Variants in TANC1 observed in about 807,000 individuals in gnomAD.
TANC1 encodes the protein tetratricopeptide repeat, ankyrin repeat and coiled-coil containing 1.
In TANC1, 77 loss-of-function variants were observed where a neutral mutation model predicts 149.7. The ratio of observed to expected loss-of-function variants is 0.51; its 90% CI spans 0.43 to 0.62. TANC1 has a LOEUF of 0.62. Ranked by LOEUF, TANC1 falls within the 20% of genes least tolerant of loss-of-function variation. The pLI, the probability that TANC1 is intolerant of heterozygous loss-of-function variation, is 0.00. For missense variants in TANC1, 1,985 were observed against 2,321.8 expected (o/e 0.85, Z 2.98); for synonymous variants, 854 against 925.0 (o/e 0.92, Z 1.39).
intron 8 of TANC1, 134 bp from the exon 9 acceptor site, chr2:159,169,116 A>T: frequency 1.7e-6 from 1 of 589,964 alleles, no homozygotes; most frequent in Non-Finnish European, 2.8e-6. Context: ...GGGGCAAACA[A>T]TATCAAAATG....
At chr2:159,215,889 A>G (rs1158925275) in intron 19 of TANC1, among the ~76,000 whole-genome samples, 1 of 150,246 alleles carries the variant, frequency 6.7e-6, no homozygotes, top group Non-Finnish European at 1.5e-5. Flanking sequence ...TGACTATGCC[A>G]CTTTCTTGAA....
chr2:158,976,884 A>AAACAAC (rs767030796), intron 1 of TANC1, among the ~76,000 whole-genome samples: 1 of 152,086 alleles, frequency 6.6e-6, no homozygotes, highest in Non-Finnish European at 1.5e-5. Context: ...CCGTCTTGAA[A>AAACAAC]AACAACAACA....
intron 11 of TANC1, 124 bp from the exon 12 acceptor site, chr2:159,174,829 C>G: frequency 1.3e-6 from 1 of 774,520 alleles, no homozygotes; most frequent in Non-Finnish European, 2.2e-6. Context: ...ATGACCCAGT[C>G]TTGGGGAATA....
chr2:159,213,891 T>C (rs903510299), intron 19 of TANC1, among the ~76,000 whole-genome samples: 1 of 151,768 alleles, frequency 6.6e-6, no homozygotes, highest in African/African-American at 2.4e-5. Flanking sequence ...TTTGGGAGGC[T>C]AAGGTGGGCA....
intron 19 of TANC1, among the ~76,000 whole-genome samples, chr2:159,200,760 T>C (rs2058188515): frequency 6.6e-6 from 1 of 152,192 alleles, no homozygotes; most frequent in Non-Finnish European, 1.5e-5. Flanking sequence ...TAATTGGGTA[T>C]TGGCTGGGGC....
intron 1 of TANC1, among the ~76,000 whole-genome samples, chr2:158,969,667 G>A (rs1333219073): frequency 6.6e-6 from 1 of 152,252 alleles, no homozygotes; most frequent in Non-Finnish European, 1.5e-5. Flanking sequence ...TCTAGGCATT[G>A]TGTGGTGTGT....
chr2:159,199,076 T>C (rs1250251887), intron 19 of TANC1, 23 bp downstream of exon 19: 2 of 1,582,160 alleles, frequency 1.3e-6, no homozygotes, highest in African/African-American at 1.3e-5. Flanking sequence ...CCACTGCTTG[T>C]AGTCTGGGGC....
rs140659801 is a variant in TANC1 at position 159,059,888 on chromosome 2, TTGTG to T, written c.-15-5969_-15-5966del. ...CCAGTGTACCATCTAGCAGACCTCT[TTGTG>T]TGTGTGTGTGTGTGTGTGTGTGTGT... On this transcript the variant is annotated intron_variant, in intron 2 of 26. Transcript: ENST00000263635. 9.2e-3 allele frequency among the ~76,000 whole-genome samples: 1,057 copies of T among 114,796 alleles called. 12 individuals carry two copies. Among genetic ancestry groups the T allele is most frequent in the Middle Eastern group, 0.031 (6 of 196 alleles). The allele number at this position is 114,796 out of a possible 152,430, so 75.3% of individuals were successfully genotyped here. A position where few individuals can be genotyped will look rare whatever the true frequency, so the allele number is the denominator to read the frequency against.
intron 19 of TANC1, among the ~76,000 whole-genome samples, chr2:159,215,000 T>C (rs1229095054): frequency 1.3e-5 from 2 of 152,144 alleles, no homozygotes; most frequent in Non-Finnish European, 2.9e-5. Context: ...TAAACTCTTA[T>C]GAGGGGCTGG....
chr2:159,188,932 T>C (rs2150641919), intron 16 of TANC1, among the ~76,000 whole-genome samples: 1 of 152,334 alleles, frequency 6.6e-6, no homozygotes, highest in Non-Finnish European at 1.5e-5. Flanking sequence ...GGATGAATCA[T>C]TTAAACAGGT....
rs1046340110 is a variant in TANC1, at chr2:159,150,279, C to T, written c.496-91C>T. Reference sequence around the variant, plus strand: ...TTTTTAAAACTTCCGTTTTCCTGTTCTTAGTTTTATTGTTTTAGCACAAAA... The same window carrying T: ...TTTTTAAAACTTCCGTTTTCCTGTTTTTAGTTTTATTGTTTTAGCACAAAA... On this transcript the variant is annotated intron_variant, in intron 6 of 26. Transcript: ENST00000263635. 1.5e-5 allele frequency: 16 copies of T among 1,045,174 alleles called. No individual in the cohort carries two copies. The African/African-American group carries it at 1.6e-4, about 11-fold the overall frequency. The allele number at this position is 1,045,174 out of a possible 1,614,324, so 64.7% of individuals were successfully genotyped here. A position where few individuals can be genotyped will look rare whatever the true frequency, so the allele number is the denominator to read the frequency against.
chr2:159,137,107 T>C (rs959107978), intron 5 of TANC1, among the ~76,000 whole-genome samples: 4 of 152,196 alleles, frequency 2.6e-5, no homozygotes, highest in South Asian at 2.1e-4. Context: ...CAAAAGTTTA[T>C]GTAGCAATGC....
In TANC1 at chr2:159,206,824, A is replaced by G. The variant is rs529657904; in HGVS notation, c.3244+7771A>G. Among the ~76,000 whole-genome samples the G allele has an allele frequency of 5.9e-5, 9 of 152,278 alleles. No homozygotes were observed. The East Asian group carries it at 1.5e-3, about 26-fold the overall frequency. ...TGTCCTGGCATGTAATGAAGTCCTC[A>G]GCACAAGCTTAGCCCTTACCGAGAG... On this transcript the variant is annotated intron_variant, in intron 19 of 26. Coordinates refer to ENST00000263635, the MANE Select transcript of TANC1 (RefSeq NM_033394.3).
At chr2:158,975,097 T>C (rs2033480578) in intron 1 of TANC1, among the ~76,000 whole-genome samples, 1 of 152,112 alleles carries the variant, frequency 6.6e-6, no homozygotes, top group Admixed American at 6.5e-5. Context: ...ATACCTAATA[T>C]AATGTAAATG....
At chr2:159,228,228 T>C in intron 25 of TANC1, 1 of 438,232 alleles carries the variant, frequency 2.3e-6, no homozygotes, top group Non-Finnish European at 4.1e-6. Context: ...TGCAGTCTGC[T>C]CCTCTGCAGC....
At chr2:158,998,061 C>T (rs1410547183) in intron 1 of TANC1, among the ~76,000 whole-genome samples, 1 of 152,080 alleles carries the variant, frequency 6.6e-6, no homozygotes, top group Admixed American at 6.5e-5. Context: ...GAGTTTGAGA[C>T]CAACCTGTGC....
intron 4 of TANC1, among the ~76,000 whole-genome samples, chr2:159,125,948 T>A (rs1448463580): frequency 6.6e-6 from 1 of 152,174 alleles, no homozygotes; most frequent in Non-Finnish European, 1.5e-5. Flanking sequence ...AGAGGCTGCC[T>A]GCATTCCTGT....
rs779203552 is a variant in TANC1 at position 159,097,746 on chromosome 2, C to A, written c.171C>A (p.Ala57=). 1 of 1,614,080 alleles carries A rather than the reference C, an allele frequency of 6.2e-7. No homozygotes were observed. Among genetic ancestry groups the A allele is most frequent in the African/African-American group, 1.3e-5 (1 of 75,022 alleles). Residue 57 remains alanine, a synonymous_variant, in exon 4 of 27, where the codon GCC becomes GCA. Coordinates refer to ENST00000263635, the MANE Select transcript of TANC1 (RefSeq NM_033394.3). The part of the protein sequence containing the change: ...TAEDTYRVSL[A]KGVSMSLPSS... ...AGGACACCTATAGGGTGAGCTTGGC[C>A]AAAGGTGTCTCGATGTCTCTGCCTT...
rs142764344 is a variant in TANC1 at position 159,047,244 on chromosome 2, G to A, written c.-15-18652G>A. Among the ~76,000 whole-genome samples, 827 of 144,226 alleles carry A rather than the reference G, an allele frequency of 5.7e-3. 20 individuals carry two copies. The highest frequency in any genetic ancestry group is 0.054 in the Admixed American group (768 of 14,298). The allele number at this position is 144,226 out of a possible 152,430, so 94.6% of individuals were successfully genotyped here. On this transcript the variant is annotated intron_variant, in intron 2 of 26. Coordinates refer to ENST00000263635, the MANE Select transcript of TANC1 (RefSeq NM_033394.3). ...CCCCACTCCAAACCACTCACCCCAC[G>A]CTTGTCTGCTTTTCCCATTTTGGTC...
Sources: allele counts gnomAD v4.1 joint callset (sites outside exome capture counted in the v4.1 genomes callset), GRCh38; gene constraint gnomAD v4.1.1; transcripts MANE v1.5; gene names NCBI Gene and HGNC (gene_info 2026-07-23, HGNC 2026-07-21).